Variants in SLC35D1 observed in about 807,000 individuals in gnomAD.
The protein encoded by SLC35D1 is solute carrier family 35 member D1.
Under a neutral mutation model 46.7 loss-of-function variants are expected in SLC35D1, and 31 were observed. That is an observed-to-expected ratio of 0.66 (90% CI 0.50 to 0.90). SLC35D1 has a LOEUF of 0.90. Ranked by LOEUF, SLC35D1 falls within the 40% of genes least tolerant of loss-of-function variation. The pLI is 0.00. For missense variants in SLC35D1, 397 were observed against 426.2 expected, an observed-to-expected ratio of 0.93 and a Z score of 0.60; for synonymous variants, 195 against 164.6, an observed-to-expected ratio of 1.18 and a Z score of -1.41.
chr1:67,030,364 C>G (rs1667993289), intron 8 of SLC35D1, among the ~76,000 whole-genome samples: 1 of 152,134 alleles, frequency 6.6e-6, no homozygotes. Flanking sequence ...CTAAGCTATT[C>G]TTTTATCCCA....
In SLC35D1 at chr1:67,052,899, GAC is replaced by G. The variant is rs112794996; in HGVS notation, c.238-44_238-43del. 6.2e-6 allele frequency: 10 copies of G among 1,613,818 alleles called. No individual in the cohort carries two copies. The African/African-American group carries it at 1.2e-4, about 19-fold the overall frequency. On this transcript the variant is annotated intron_variant, in intron 2 of 11. Transcript: ENST00000235345. ...ACAGATTCACTGTTCTACACATAAA[GAC>G]ACACACAGAAGTTCTAACAACATAA...
the SLC35D1 span, chr1:66,985,634 C>T: frequency 6.1e-6 from 6 of 984,396 alleles, no homozygotes; most frequent in Admixed American, 6.2e-5. Flanking sequence ...AATACAAAAG[C>T]GTGTATAATT....
chr1:66,991,043 T>C, the SLC35D1 span, among the ~76,000 whole-genome samples: 3 of 152,218 alleles, frequency 2.0e-5, no homozygotes, highest in Non-Finnish European at 4.4e-5. Flanking sequence ...TGTTCTATTC[T>C]GCCTTTGGGG....
At chr1:66,973,051 A>C in the SLC35D1 span, 2 of 865,278 alleles carry the variant, frequency 2.3e-6, no homozygotes, top group Non-Finnish European at 3.8e-6. Context: ...TCAAATGGTC[A>C]TGTATCGTAA....
the SLC35D1 span, among the ~76,000 whole-genome samples, chr1:66,989,639 A>ATTAT: frequency 1.3e-5 from 2 of 151,910 alleles, no homozygotes; most frequent in African/African-American, 4.8e-5. Context: ...AATTTTTTTT[A>ATTAT]TTATTTGTAG....
intron 10 of SLC35D1, among the ~76,000 whole-genome samples, chr1:67,009,591 C>G (rs916679508): frequency 6.6e-6 from 1 of 152,196 alleles, no homozygotes; most frequent in African/African-American, 2.4e-5. Flanking sequence ...AAAGGCTCAT[C>G]ACCAATCATC....
chr1:66,980,570 C>T, the SLC35D1 span, among the ~76,000 whole-genome samples: 1 of 152,122 alleles, frequency 6.6e-6, no homozygotes, highest in Non-Finnish European at 1.5e-5. Flanking sequence ...CAGAAAATTC[C>T]TCAGAGCTTC....
At chr1:67,026,078 G>T (rs553968859) in intron 8 of SLC35D1, among the ~76,000 whole-genome samples, 95 of 152,064 alleles carry the variant, frequency 6.2e-4, no homozygotes, top group Non-Finnish European at 1.2e-3. Context: ...AGACATCCTC[G>T]CCTTGTTCTC....
At chr1:66,981,883 A>C in the SLC35D1 span, 2 of 1,613,984 alleles carry the variant, frequency 1.2e-6, no homozygotes, top group South Asian at 2.2e-5. Flanking sequence ...CAGTCTGAGA[A>C]AGAAGATGGC....
At chr1:67,006,945 A>T (rs982879565) in intron 11 of SLC35D1, among the ~76,000 whole-genome samples, 3 of 152,184 alleles carry the variant, frequency 2.0e-5, no homozygotes, top group African/African-American at 7.2e-5. Flanking sequence ...TTCAATCTAC[A>T]CTAGCTATGT....
At chr1:67,046,567 A>G (rs991107213) in intron 7 of SLC35D1, among the ~76,000 whole-genome samples, 2 of 152,236 alleles carry the variant, frequency 1.3e-5, no homozygotes, top group Admixed American at 6.5e-5. Flanking sequence ...ATACATTATG[A>G]TATCAAGGAC....
chr1:66,992,129 C>T, the SLC35D1 span, among the ~76,000 whole-genome samples: 77 of 152,294 alleles, frequency 5.1e-4, no homozygotes, highest in Non-Finnish European at 8.5e-4. Flanking sequence ...AAACCTATGG[C>T]TGGATATATG....
chr1:67,037,994 G>T (rs567157795), intron 8 of SLC35D1, among the ~76,000 whole-genome samples: 1 of 152,208 alleles, frequency 6.6e-6, no homozygotes, highest in African/African-American at 2.4e-5. Context: ...TTGCCAAGTA[G>T]GTCACTTGCT....
chr1:66,994,768 GA>G (rs1200456994), downstream of SLC35D1, among the ~76,000 whole-genome samples: 2 of 151,812 alleles, frequency 1.3e-5, no homozygotes, highest in African/African-American at 4.8e-5. Context: ...TAATGTTCTG[GA>G]AACTATCAGG....
rs981396110 is a variant in SLC35D1 at position 66,999,442 on chromosome 1, T to G, written c.*4898A>C. The G allele has an allele frequency of 6.6e-6, 1 of 152,312 alleles. No homozygotes were observed. Among genetic ancestry groups the G allele is most frequent in the African/African-American group, 2.4e-5 (1 of 41,444 alleles). The allele number at this position is 152,312 out of a possible 1,614,324, so 9.4% of individuals were successfully genotyped here. On this transcript the variant is annotated 3_prime_UTR_variant, in exon 12 of 12. Transcript: ENST00000235345. ...TATTTAGGCACATAATTTTCATGTT[T>G]ATGTCACCTGATTTACATACCTCAA...
intron 11 of SLC35D1, among the ~76,000 whole-genome samples, chr1:67,005,565 G>A (rs563421783): frequency 6.6e-5 from 10 of 152,176 alleles, no homozygotes; most frequent in East Asian, 1.9e-4. Flanking sequence ...TGCACCTCAC[G>A]GCACTTAAGA....
In SLC35D1 at chr1:67,049,817, T is replaced by C. The variant is rs1204928533; in HGVS notation, c.498A>G (p.Val166=). 6 of 1,613,832 alleles carry C rather than the reference T, an allele frequency of 3.7e-6. No individual in the cohort carries two copies. The highest frequency in any genetic ancestry group is 3.3e-5 in the Admixed American group (2 of 60,014). Reference sequence around the variant, plus strand: ...CAAAGGCTCCAATAATCATTGCAAATACAGTCATTTTAATACCCCAAGAAA... The same window carrying C: ...CAAAGGCTCCAATAATCATTGCAAACACAGTCATTTTAATACCCCAAGAAA... ...KTFSWGIKMT[V]FAMIIGAFVA... Residue 166 remains valine, a synonymous_variant, in exon 6 of 12, where the codon GTA becomes GTG. Coordinates refer to ENST00000235345, the MANE Select transcript of SLC35D1 (RefSeq NM_015139.3).
At chr1:66,995,628 T>C (rs1030049533), downstream of SLC35D1, among the ~76,000 whole-genome samples, 1 of 151,822 alleles carries the variant, frequency 6.6e-6, no homozygotes, top group Non-Finnish European at 1.5e-5. Context: ...GGACGTACTA[T>C]AACGAAAGAT....
In SLC35D1 at chr1:67,043,790, A is replaced by C. The variant is rs150804740; in HGVS notation, c.637-1462T>G. 3.8e-3 allele frequency among the ~76,000 whole-genome samples: 580 copies of C among 152,344 alleles called. 3 individuals carry two copies. Among genetic ancestry groups the C allele is most frequent in the African/African-American group, 0.014 (563 of 41,566 alleles). On this transcript the variant is annotated intron_variant, in intron 7 of 11. Coordinates refer to ENST00000235345, the MANE Select transcript of SLC35D1 (RefSeq NM_015139.3). ...AAGGATAACACACATCTTCAAACAC[A>C]GGGAGCCTATAAGAACTCTGAGTCC...
Sources: allele counts gnomAD v4.1 joint callset (sites outside exome capture counted in the v4.1 genomes callset), GRCh38; gene constraint gnomAD v4.1.1; transcripts MANE v1.5; gene names NCBI Gene and HGNC (gene_info 2026-07-23, HGNC 2026-07-21).